Variants in EYS observed in about 807,000 individuals in gnomAD.
EYS encodes EGF-like photoreceptor maintenance factor, also known as protein eyes shut homolog.
Under a neutral mutation model 282.1 loss-of-function variants are expected in EYS, and 250 were observed. That is an observed-to-expected ratio of 0.89 (90% CI 0.80 to 0.98). The LOEUF (loss-of-function observed/expected upper bound fraction) is 0.98. Among genes scored for constraint, EYS ranks in the 50% least tolerant of loss-of-function variants. EYS has a pLI of 0.00. For synonymous variants in EYS, 1,355 were observed against 1,282.9 expected (o/e 1.06, Z -1.20); for missense variants, 4,016 against 3,709.0 (o/e 1.08, Z -2.15).
chr6:64,866,468 C>T (rs9342441), intron 19 of EYS, among the ~76,000 whole-genome samples: 23,574 of 151,656 alleles, frequency 0.16, 2,154 homozygotes, highest in East Asian at 0.49. Flanking sequence ...ATATAGGTCA[C>T]GCTTCCCTAT....
intron 5 of EYS, among the ~76,000 whole-genome samples, chr6:65,415,280 C>T (rs745994901): frequency 6.6e-6 from 1 of 152,018 alleles, no homozygotes; most frequent in African/African-American, 2.4e-5. Flanking sequence ...CAAGATTTCA[C>T]CTGGTATCTC....
At chr6:64,682,405 A>T (rs893590514) in intron 22 of EYS, among the ~76,000 whole-genome samples, 1 of 152,088 alleles carries the variant, frequency 6.6e-6, no homozygotes, top group Non-Finnish European at 1.5e-5. Flanking sequence ...ACAAAAAGTG[A>T]TTCACTGGCA....
chr6:64,419,934 G>C (rs144330631), intron 28 of EYS, among the ~76,000 whole-genome samples: 1 of 152,330 alleles, frequency 6.6e-6, no homozygotes, highest in African/African-American at 2.4e-5. Context: ...TGCCCAAGTG[G>C]GGATTCTGTG....
intron 12 of EYS, among the ~76,000 whole-genome samples, chr6:65,260,334 C>T (rs1241846503): frequency 6.6e-6 from 1 of 152,054 alleles, no homozygotes; most frequent in African/African-American, 2.4e-5. Flanking sequence ...CAAAGCTTAA[C>T]CATATCACTC....
Position 65,211,895 on chromosome 6 carries a change from T to C in EYS, c.2023+83968A>G, listed in dbSNP as rs553129438. Among the ~76,000 whole-genome samples the C allele has an allele frequency of 2.6e-5, 4 of 151,980 alleles. 1 individual carries two copies. The highest frequency in any genetic ancestry group is 4.2e-4 in the South Asian group (2 of 4,816). On this transcript the variant is annotated intron_variant, in intron 12 of 42. Transcript: ENST00000503581. ...AATATCACTCAGAGGAAACCCAAAG[T>C]AGGTTAAAATTTCATCCATATATGA...
intron 1 of EYS, among the ~76,000 whole-genome samples, chr6:65,670,561 G>A (rs1009335065): frequency 1.3e-5 from 2 of 152,004 alleles, no homozygotes; most frequent in African/African-American, 2.4e-5. Flanking sequence ...AAGTTTCTGG[G>A]TTAATCATCC....
rs749535595 is a variant in EYS at position 65,405,280 on chromosome 6, G to A, written c.950C>T (p.Thr317Ile). The A allele has an allele frequency of 3.1e-6, 5 of 1,612,794 alleles. No individual in the cohort carries two copies. In the Admixed American group the frequency reaches 8.3e-5, roughly 27 times the overall value. ...GGAAGATCCTTTTGGGCATTCATAA[G>A]TATAAGCAGAACTGCTATTTGGGCA... ...GICPNSSSAY[T>I]YECPKGSSSQ... The change falls in exon 6 of 43, where the codon ACT (threonine) becomes ATT (isoleucine). Residue 317 changes from threonine (T) to isoleucine (I), a missense_variant. Transcript: ENST00000503581.
intron 12 of EYS, among the ~76,000 whole-genome samples, chr6:65,248,913 T>C (rs1582061993): frequency 6.6e-6 from 1 of 151,894 alleles, no homozygotes; most frequent in African/African-American, 2.4e-5. Flanking sequence ...GAATAGGAGG[T>C]CCTATAATAG....
intron 11 of EYS, among the ~76,000 whole-genome samples, chr6:65,333,880 A>T (rs1046215146): frequency 5.3e-5 from 8 of 150,708 alleles, no homozygotes; most frequent in Non-Finnish European, 1.2e-4. Flanking sequence ...TAGTATAGGC[A>T]CTCCAGTTTT....
intron 22 of EYS, among the ~76,000 whole-genome samples, chr6:64,748,750 T>C (rs1044184903): frequency 2.6e-5 from 4 of 152,160 alleles, no homozygotes; most frequent in Non-Finnish European, 5.9e-5. Flanking sequence ...ATGTATAATG[T>C]CACATACTAT....
At chr6:65,622,787 T>G (rs1766562638) in intron 2 of EYS, among the ~76,000 whole-genome samples, 1 of 151,436 alleles carries the variant, frequency 6.6e-6, no homozygotes, top group Non-Finnish European at 1.5e-5. Context: ...TGAAACAGTA[T>G]CTCTCTGTCA....
intron 14 of EYS, among the ~76,000 whole-genome samples, chr6:64,959,259 G>T (rs1769830793): frequency 6.6e-6 from 1 of 152,130 alleles, no homozygotes; most frequent in South Asian, 2.1e-4. Context: ...AAGCAAATTT[G>T]CTGTAAAACT....
intron 9 of EYS, among the ~76,000 whole-genome samples, chr6:65,350,715 A>AACATAGATG (rs1312800919): frequency 1.3e-5 from 2 of 151,628 alleles, no homozygotes; most frequent in African/African-American, 2.4e-5. Context: ...ACACATAATG[A>AACATAGATG]ACATAGATGA....
chr6:63,797,222 A>G (rs1344923430), intron 37 of EYS: 1 of 152,206 alleles, frequency 6.6e-6, no homozygotes, highest in Non-Finnish European at 1.5e-5. Flanking sequence ...TTCAGTTTTT[A>G]GGAAGAAAGT....
At chr6:65,684,380 T>C (rs549431333) in intron 1 of EYS, among the ~76,000 whole-genome samples, 1 of 152,020 alleles carries the variant, frequency 6.6e-6, no homozygotes. Context: ...TGTCAGATGG[T>C]GGGAGGGGGT....
intron 19 of EYS, among the ~76,000 whole-genome samples, chr6:64,885,781 C>T (rs1331994736): frequency 9.2e-5 from 14 of 151,842 alleles, no homozygotes; most frequent in South Asian, 4.1e-4. Context: ...TTTAAGGTCA[C>T]GTAACTTTCT....
In EYS at chr6:63,946,183, C is replaced by A. The variant is rs961948010; in HGVS notation, c.7055+38200G>T. On this transcript the variant is annotated intron_variant, in intron 35 of 42. Transcript: ENST00000503581. ...GGTCCTGGACACACATCCCAGAGGC[C>A]CAGCCCAATGCTTGTATTGGGAAGG... 2.0e-5 allele frequency among the ~76,000 whole-genome samples: 3 copies of A among 152,150 alleles called. 1 individual carries two copies. The highest frequency in any genetic ancestry group is 4.4e-5 in the Non-Finnish European group (3 of 68,028).
At chr6:65,268,706 A>G (rs1767821636) in intron 12 of EYS, among the ~76,000 whole-genome samples, 1 of 152,082 alleles carries the variant, frequency 6.6e-6, no homozygotes, top group Non-Finnish European at 1.5e-5. Context: ...CTCATTCTCT[A>G]GAAAGAAGAA....
At chr6:65,330,710 T>TAG (rs1280949067) in intron 11 of EYS, 1 of 949,704 alleles carries the variant, frequency 1.1e-6, no homozygotes, top group Non-Finnish European at 1.3e-6. Context: ...ACTATCATTA[T>TAG]TTTGCCTTAT....
Sources: gnomAD v4.1 joint callset for allele counts (sites outside exome capture counted in the v4.1 genomes callset) on GRCh38, gnomAD v4.1.1 for gene constraint, MANE v1.5 for transcripts, NCBI Gene and HGNC (gene_info 2026-07-23, HGNC 2026-07-21) for gene names.